The following ITFG1 variants were observed in gnomAD, a reference collection of about 807,000 sequenced individuals.
ITFG1 encodes the protein T-cell immunomodulatory protein.
Under a neutral mutation model 81.8 loss-of-function variants are expected in ITFG1, and 34 were observed. The ratio of observed to expected loss-of-function variants is 0.42; its 90% CI spans 0.32 to 0.55. The LOEUF is 0.55. ITFG1 is among the 20% of genes least tolerant of loss of function. The pLI, the probability that ITFG1 is intolerant of heterozygous loss-of-function variation, is 0.17. For synonymous variants in ITFG1, 285 were observed against 270.6 expected (o/e 1.05, Z -0.52); for missense variants, 672 against 755.4 (o/e 0.89, Z 1.29).
At position 47,357,050 on chromosome 16, in the gene ITFG1, AAAAG is replaced by A. The variant is rs1188339608; in HGVS notation, c.802+8734_802+8737del. On this transcript the variant is annotated intron_variant, in intron 8 of 17. Transcript: ENST00000320640. ...CATAGTACTGTTGCAATAAAAAAAA[AAAAG>A]AAAGAGCTATGCATAGTTAACAGAA... 7.9e-5 allele frequency among the ~76,000 whole-genome samples: 12 copies of A among 152,292 alleles called. No individual in the cohort carries two copies. The East Asian group carries it at 2.1e-3, about 27-fold the overall frequency.
chr16:47,270,014 T>C (rs1045098924), intron 10 of ITFG1, among the ~76,000 whole-genome samples: 1 of 152,074 alleles, frequency 6.6e-6, no homozygotes, highest in Non-Finnish European at 1.5e-5. Context: ...CAAAGGCAAT[T>C]GAGTGGAAAA....
At chr16:47,378,344 C>A (rs184693002) in intron 6 of ITFG1, among the ~76,000 whole-genome samples, 3 of 152,150 alleles carry the variant, frequency 2.0e-5, no homozygotes, top group Non-Finnish European at 4.4e-5. Context: ...AGGCAGTTAG[C>A]GTCATGGGAT....
At chr16:47,360,886 C>A (rs1480601297) in intron 8 of ITFG1, among the ~76,000 whole-genome samples, 2 of 152,228 alleles carry the variant, frequency 1.3e-5, no homozygotes, top group South Asian at 4.1e-4. Flanking sequence ...TATTATAAGG[C>A]TTCACAAAAC....
chr16:47,324,220 C>A (rs1488125164), intron 8 of ITFG1, among the ~76,000 whole-genome samples: 2 of 151,912 alleles, frequency 1.3e-5, no homozygotes, highest in Non-Finnish European at 2.9e-5. Context: ...CCCAGAATTT[C>A]ATATCCAGCC....
At chr16:47,445,111 TAA>T (rs61015312) in intron 5 of ITFG1, among the ~76,000 whole-genome samples, 17,067 of 131,752 alleles carry the variant, frequency 0.13, 2,267 homozygotes, top group African/African-American at 0.35. Context: ...AAATGTACAT[TAA>T]AAAAAAAAAA....
chr16:47,424,154 T>C (rs1160486014), intron 6 of ITFG1, among the ~76,000 whole-genome samples: 4 of 151,336 alleles, frequency 2.6e-5, no homozygotes, highest in Non-Finnish European at 5.9e-5. Flanking sequence ...TCTAACCTTG[T>C]CTTCTCACTT....
At chr16:47,350,776 G>C (rs1404819537) in intron 8 of ITFG1, among the ~76,000 whole-genome samples, 2 of 152,258 alleles carry the variant, frequency 1.3e-5, no homozygotes, top group African/African-American at 2.4e-5. Flanking sequence ...GATAATTTTA[G>C]ACCAATATCC....
At chr16:47,252,583 G>A (rs1966089702) in intron 12 of ITFG1, among the ~76,000 whole-genome samples, 1 of 152,182 alleles carries the variant, frequency 6.6e-6, no homozygotes, top group Non-Finnish European at 1.5e-5. Flanking sequence ...CTTGATTCAG[G>A]GGAGAGGGGA....
intron 6 of ITFG1, among the ~76,000 whole-genome samples, chr16:47,390,377 A>G (rs1299314051): frequency 6.6e-6 from 1 of 152,244 alleles, no homozygotes; most frequent in Non-Finnish European, 1.5e-5. Flanking sequence ...GGGAAAAAAC[A>G]GATGAATGCT....
intron 6 of ITFG1, among the ~76,000 whole-genome samples, chr16:47,399,937 T>G (rs1274320483): frequency 6.6e-6 from 1 of 152,202 alleles, no homozygotes; most frequent in Non-Finnish European, 1.5e-5. Context: ...TGTTTATAGA[T>G]CAGAATGGAA....
At chr16:47,295,323 A>T (rs947573078) in intron 10 of ITFG1, among the ~76,000 whole-genome samples, 1 of 152,190 alleles carries the variant, frequency 6.6e-6, no homozygotes. Context: ...ACAATTTCAT[A>T]TAATGAGTTA....
At chr16:47,243,291 T>C (rs993949295) in intron 12 of ITFG1, among the ~76,000 whole-genome samples, 8 of 152,174 alleles carry the variant, frequency 5.3e-5, no homozygotes, top group African/African-American at 1.9e-4. Flanking sequence ...GGGAAGAGAA[T>C]TGTATCACTG....
chr16:47,241,716 G>A (rs1279556562), intron 12 of ITFG1, among the ~76,000 whole-genome samples: 14 of 152,148 alleles, frequency 9.2e-5, no homozygotes, highest in Admixed American at 9.2e-4. Flanking sequence ...AGCACTTTGG[G>A]AGGCCAAGGC....
chr16:47,389,870 G>A (rs1968508962), intron 6 of ITFG1, among the ~76,000 whole-genome samples: 1 of 152,184 alleles, frequency 6.6e-6, no homozygotes, highest in African/African-American at 2.4e-5. Flanking sequence ...TAACGTAGGA[G>A]TAGAGGACCA....
At chr16:47,317,389 TA>T (rs1967377111) in intron 8 of ITFG1, among the ~76,000 whole-genome samples, 1 of 152,170 alleles carries the variant, frequency 6.6e-6, no homozygotes, top group Non-Finnish European at 1.5e-5. Flanking sequence ...AAGATACACA[TA>T]AAAAAGTTCA....
At chr16:47,278,923 T>C (rs1966424946) in intron 10 of ITFG1, among the ~76,000 whole-genome samples, 1 of 152,234 alleles carries the variant, frequency 6.6e-6, no homozygotes, top group Non-Finnish European at 1.5e-5. Flanking sequence ...CTTACATTTC[T>C]TCTGCATTCA....
chr16:47,217,077 C>A (rs1234845244), intron 14 of ITFG1, among the ~76,000 whole-genome samples: 1 of 151,648 alleles, frequency 6.6e-6, no homozygotes, highest in Non-Finnish European at 1.5e-5. Context: ...TACAAAATAG[C>A]CCCCAAAGAA....
intron 8 of ITFG1, among the ~76,000 whole-genome samples, chr16:47,324,551 A>C (rs1453202808): frequency 6.6e-6 from 1 of 152,230 alleles, no homozygotes; most frequent in African/African-American, 2.4e-5. Flanking sequence ...CAAATTGGAT[A>C]AAGAGTCAAG....
At chr16:47,184,385 C>T (rs1596792692) in intron 14 of ITFG1, among the ~76,000 whole-genome samples, 1 of 152,242 alleles carries the variant, frequency 6.6e-6, no homozygotes, top group East Asian at 1.9e-4. Flanking sequence ...AGAGAAAGGT[C>T]GGGTTACCCA....
Sources: gnomAD v4.1 joint callset for allele counts (sites outside exome capture counted in the v4.1 genomes callset) on GRCh38, gnomAD v4.1.1 for gene constraint, MANE v1.5 for transcripts, NCBI Gene and HGNC (gene_info 2026-07-23, HGNC 2026-07-21) for gene names.